The following NRXN3 variants were observed in gnomAD, a reference collection of about 807,000 sequenced individuals.
NRXN3 encodes the protein neurexin III.
NRXN3 carries 32 observed loss-of-function variants against 137.6 expected under a neutral mutation model. That is an observed-to-expected ratio of 0.23 (90% CI 0.18 to 0.31). The LOEUF (loss-of-function observed/expected upper bound fraction) is 0.31, where lower values mean the gene tolerates loss of function less well. Ranked by LOEUF, NRXN3 falls within the 10% of genes least tolerant of loss-of-function variation. The probability of loss-of-function intolerance (pLI) is 1.00; values close to 1 mark genes in which losing one functional copy is unlikely to be tolerated. For synonymous variants in NRXN3, 798 were observed against 784.5 expected (o/e 1.02, Z -0.29); for missense variants, 1,574 against 2,062.5 (o/e 0.76, Z 4.59).
At chr14:78,926,661 AT>A (rs1239772760) in intron 10 of NRXN3, among the ~76,000 whole-genome samples, 2 of 101,706 alleles carry the variant, frequency 2.0e-5, no homozygotes, top group Admixed American at 1.7e-4. Flanking sequence ...ATATATATTT[AT>A]TATATATATA....
At chr14:78,387,871 A>G (rs941072328) in intron 4 of NRXN3, among the ~76,000 whole-genome samples, 1 of 152,202 alleles carries the variant, frequency 6.6e-6, no homozygotes, top group African/African-American at 2.4e-5. Context: ...ACACATAGGC[A>G]TGTCATGGAT....
At chr14:78,602,416 C>T (rs548629379) in intron 4 of NRXN3, 4 of 152,166 alleles carry the variant, frequency 2.6e-5, no homozygotes, top group Admixed American at 2.6e-4. Context: ...GGCTTTCTTT[C>T]TAGGGCACCT....
chr14:78,863,245 A>G (rs1008688179), intron 10 of NRXN3, among the ~76,000 whole-genome samples: 3 of 152,142 alleles, frequency 2.0e-5, no homozygotes, highest in Non-Finnish European at 2.9e-5. Context: ...ATGACAGCCA[A>G]AAAAGTTCCA....
At chr14:79,039,818 A>C (rs532451134) in intron 15 of NRXN3, among the ~76,000 whole-genome samples, 1 of 152,068 alleles carries the variant, frequency 6.6e-6, no homozygotes, top group South Asian at 2.1e-4. Flanking sequence ...CGGCCTTCCA[A>C]GTAGCTAGGA....
intron 4 of NRXN3, among the ~76,000 whole-genome samples, chr14:78,402,079 A>G (rs981027485): frequency 6.6e-6 from 1 of 152,216 alleles, no homozygotes; most frequent in African/African-American, 2.4e-5. Context: ...GGTTTATTAC[A>G]CATTGTACAT....
chr14:78,376,800 G>C (rs2153626220), intron 4 of NRXN3, among the ~76,000 whole-genome samples: 1 of 152,174 alleles, frequency 6.6e-6, no homozygotes, highest in South Asian at 2.1e-4. Flanking sequence ...AATTAACAGG[G>C]GTAGGTAAAG....
At chr14:79,208,479 T>C (rs2067131920) in intron 15 of NRXN3, among the ~76,000 whole-genome samples, 1 of 152,200 alleles carries the variant, frequency 6.6e-6, no homozygotes, top group African/African-American at 2.4e-5. Flanking sequence ...GGTCTTCTTT[T>C]AGCAAAGAAT....
intron 15 of NRXN3, among the ~76,000 whole-genome samples, chr14:79,240,154 A>G (rs2074042649): frequency 1.3e-5 from 2 of 152,180 alleles, no homozygotes; most frequent in Non-Finnish European, 2.9e-5. Context: ...TGTACCATAC[A>G]AATATATATA....
chr14:79,355,032 G>T (rs1199025020), intron 15 of NRXN3, among the ~76,000 whole-genome samples: 2 of 152,164 alleles, frequency 1.3e-5, no homozygotes, highest in Non-Finnish European at 2.9e-5. Flanking sequence ...TTTTTGGATG[G>T]TTTTTTAACA....
intron 1 of NRXN3, among the ~76,000 whole-genome samples, chr14:78,171,628 A>G (rs1478150290): frequency 1.3e-5 from 2 of 152,076 alleles, no homozygotes; most frequent in Non-Finnish European, 2.9e-5. Context: ...CATCCTGATG[A>G]CAAGGAAAAA....
rs1168822538 is a variant in NRXN3, at chr14:78,519,712, A to G, written c.758-125408A>G. Among the ~76,000 whole-genome samples, 3 of 149,920 alleles carry G rather than the reference A, an allele frequency of 2.0e-5. No individual in the cohort carries two copies. In the South Asian group the frequency reaches 6.4e-4, roughly 32 times the overall value. On this transcript the variant is annotated intron_variant, in intron 4 of 20. Coordinates refer to ENST00000335750, the MANE Select transcript of NRXN3 (RefSeq NM_001330195.2). The stretch of plus-strand genomic sequence containing the variant: ...CTAACTGTCTAAGATGATTGGGAGC[A>G]TTCACAGAGAAGGTTATATTTGTTG...
At chr14:78,817,178 G>A (rs1373434268) in intron 10 of NRXN3, among the ~76,000 whole-genome samples, 2 of 152,168 alleles carry the variant, frequency 1.3e-5, no homozygotes, top group African/African-American at 4.8e-5. Context: ...GAGCCAAATA[G>A]CCTGGGTTCA....
At chr14:78,411,702 G>C (rs539055430) in intron 4 of NRXN3, among the ~76,000 whole-genome samples, 1 of 152,154 alleles carries the variant, frequency 6.6e-6, no homozygotes, top group Non-Finnish European at 1.5e-5. Flanking sequence ...TTGCTCATAC[G>C]TATACATGTA....
chr14:78,896,155 G>A (rs909650405), intron 10 of NRXN3, among the ~76,000 whole-genome samples: 1 of 151,790 alleles, frequency 6.6e-6, no homozygotes, highest in East Asian at 1.9e-4. Flanking sequence ...ATGCAAAAAA[G>A]TGAAGCACAA....
intron 16 of NRXN3, among the ~76,000 whole-genome samples, chr14:79,525,730 GT>G (rs1262031236): frequency 6.6e-6 from 1 of 152,164 alleles, no homozygotes; most frequent in Non-Finnish European, 1.5e-5. Context: ...TTAACATTAA[GT>G]TTTATTGCCT....
At chr14:78,606,931 C>A (rs76771518) in intron 4 of NRXN3, among the ~76,000 whole-genome samples, 3,133 of 152,204 alleles carry the variant, frequency 0.021, 103 homozygotes, top group African/African-American at 0.071. Flanking sequence ...TTATTTACTG[C>A]GAGAGAAACA....
At chr14:78,550,654 T>G (rs2096679701) in intron 4 of NRXN3, among the ~76,000 whole-genome samples, 1 of 152,128 alleles carries the variant, frequency 6.6e-6, no homozygotes, top group Non-Finnish European at 1.5e-5. Flanking sequence ...GACTGGAAGC[T>G]CTGCCCGGGA....
intron 4 of NRXN3, among the ~76,000 whole-genome samples, chr14:78,366,541 T>C (rs2085969109): frequency 6.6e-6 from 1 of 152,230 alleles, no homozygotes; most frequent in African/African-American, 2.4e-5. Context: ...TAGTTTGCTT[T>C]CATGCTGCTG....
intron 15 of NRXN3, among the ~76,000 whole-genome samples, chr14:79,063,445 G>A (rs531114644): frequency 1.3e-5 from 2 of 151,970 alleles, no homozygotes; most frequent in South Asian, 2.1e-4. Flanking sequence ...CACCATGCCC[G>A]GCTAATTTTT....
Sources: gnomAD v4.1 joint callset for allele counts (sites outside exome capture counted in the v4.1 genomes callset) on GRCh38, gnomAD v4.1.1 for gene constraint, MANE v1.5 for transcripts, NCBI Gene and HGNC (gene_info 2026-07-23, HGNC 2026-07-21) for gene names.